The following CDK17 variants were observed in gnomAD, a reference collection of about 807,000 sequenced individuals.
CDK17 encodes the protein cyclin dependent kinase 17.
Under a neutral mutation model 77.6 loss-of-function variants are expected in CDK17, and 24 were observed. The observed-to-expected ratio is 0.31, with a 90% CI of 0.22 to 0.44. The LOEUF (loss-of-function observed/expected upper bound fraction) is 0.44, where lower values mean the gene tolerates loss of function less well. Ranked by LOEUF, CDK17 falls within the 20% of genes least tolerant of loss-of-function variation. The probability of loss-of-function intolerance (pLI) is 1.00; values close to 1 mark genes in which losing one functional copy is unlikely to be tolerated. For synonymous variants in CDK17, 203 were observed against 210.4 expected, an observed-to-expected ratio of 0.96 and a Z score of 0.30; for missense variants, 429 against 622.5, an observed-to-expected ratio of 0.69 and a Z score of 3.31.
At chr12:96,344,319 A>G (rs1953166854) in intron 1 of CDK17, among the ~76,000 whole-genome samples, 1 of 152,244 alleles carries the variant, frequency 6.6e-6, no homozygotes, top group African/African-American at 2.4e-5. Context: ...AGCTGATGAA[A>G]GACATGAATA....
intron 9 of CDK17, among the ~76,000 whole-genome samples, chr12:96,296,102 C>T (rs932728776): frequency 1.2e-4 from 19 of 152,168 alleles, no homozygotes; most frequent in Non-Finnish European, 2.5e-4. Flanking sequence ...TCTTGTTACA[C>T]TTTGTATTTT....
chr12:96,371,233 T>G (rs1168952315), intron 1 of CDK17, among the ~76,000 whole-genome samples: 1 of 151,976 alleles, frequency 6.6e-6, no homozygotes, highest in Admixed American at 6.6e-5. Flanking sequence ...GCATAAGAGA[T>G]TCTACAATAC....
intron 1 of CDK17, among the ~76,000 whole-genome samples, chr12:96,365,803 G>A (rs564097487): frequency 1.7e-4 from 26 of 152,310 alleles, no homozygotes; most frequent in Non-Finnish European, 3.8e-4. Flanking sequence ...GCTACTTGGG[G>A]GGCTGAGGTG....
chr12:96,290,038 C>T (rs928712239), intron 10 of CDK17, among the ~76,000 whole-genome samples: 1 of 151,872 alleles, frequency 6.6e-6, no homozygotes. Flanking sequence ...AAAAAAAAAT[C>T]GCAAAAAAAT....
intron 1 of CDK17, among the ~76,000 whole-genome samples, chr12:96,366,689 G>T (rs948391526): frequency 6.6e-6 from 1 of 152,026 alleles, no homozygotes; most frequent in African/African-American, 2.4e-5. Flanking sequence ...CCATAACTCT[G>T]GACAATCAGA....
intron 1 of CDK17, chr12:96,386,998 T>C (rs1197559179): frequency 3.2e-6 from 1 of 308,124 alleles, no homozygotes; most frequent in East Asian, 1.0e-4. Context: ...TCTGGTAGAG[T>C]AAAATATCTA....
intron 1 of CDK17, among the ~76,000 whole-genome samples, chr12:96,389,392 C>T (rs1357409691): frequency 6.6e-6 from 1 of 152,046 alleles, no homozygotes; most frequent in Non-Finnish European, 1.5e-5. Context: ...CAATAGAAAC[C>T]TAAGTTGCAG....
chr12:96,328,308 T>A (rs1026061472), intron 2 of CDK17, among the ~76,000 whole-genome samples: 2 of 152,072 alleles, frequency 1.3e-5, no homozygotes, highest in African/African-American at 4.8e-5. Context: ...GTTATGTAAT[T>A]ATTTCATTAT....
At chr12:96,315,963 C>T (rs563477494) in intron 3 of CDK17, among the ~76,000 whole-genome samples, 98 of 152,176 alleles carry the variant, frequency 6.4e-4, no homozygotes, top group Admixed American at 9.8e-4. Flanking sequence ...CCAAGATGGC[C>T]GAATAGGAAC....
chr12:96,338,402 G>A (rs769376352), intron 1 of CDK17, among the ~76,000 whole-genome samples: 11 of 152,088 alleles, frequency 7.2e-5, no homozygotes, highest in African/African-American at 2.4e-4. Flanking sequence ...TGAGTCCTTC[G>A]AGCAAATCAT....
rs1283222887 is a variant in CDK17, at chr12:96,279,751, A to T, written c.*491T>A. 2 of 152,872 alleles carry T rather than the reference A, an allele frequency of 1.3e-5. No homozygotes were observed. The highest frequency in any genetic ancestry group is 4.8e-5 in the African/African-American group (2 of 41,472). 9.5% of individuals were successfully genotyped at this position (152,872 alleles called of 1,614,324 possible). A position where few individuals can be genotyped will look rare whatever the true frequency, so the allele number is the denominator to read the frequency against. ...AGATGGCTCACTTATTTTACTATTA[A>T]GCAAAGCTAAATTTACATTCCAGGA... is the stretch of plus-strand genomic sequence containing the variant. On this transcript the variant is annotated 3_prime_UTR_variant, in exon 17 of 17. Coordinates refer to ENST00000261211, the MANE Select transcript of CDK17 (RefSeq NM_002595.5).
At chr12:96,314,404 C>A (rs577345003) in intron 3 of CDK17, among the ~76,000 whole-genome samples, 1 of 152,122 alleles carries the variant, frequency 6.6e-6, no homozygotes, top group Non-Finnish European at 1.5e-5. Context: ...CAAGGTTTTG[C>A]CTTGTTGTTC....
intron 1 of CDK17, among the ~76,000 whole-genome samples, chr12:96,382,434 A>G (rs1012937896): frequency 6.6e-6 from 1 of 152,066 alleles, no homozygotes; most frequent in African/African-American, 2.4e-5. Flanking sequence ...TACCAAACGT[A>G]TAAAGAAAAA....
intron 1 of CDK17, among the ~76,000 whole-genome samples, chr12:96,376,673 C>T (rs1953786624): frequency 6.6e-6 from 1 of 152,200 alleles, no homozygotes; most frequent in Non-Finnish European, 1.5e-5. Context: ...TATCCACTGA[C>T]ACTACTGGCC....
In CDK17 at chr12:96,394,612, C is replaced by T. The variant is rs1289876756; in HGVS notation, c.-30+5374G>A. On this transcript the variant is annotated intron_variant, in intron 1 of 16. Coordinates refer to ENST00000261211, the MANE Select transcript of CDK17 (RefSeq NM_002595.5). ...CACAGATCACCTGAGGTCAGGAGTTCGAGACCAGCCTGGCCAACATGGTGA... is the reference window on the plus strand; with the variant it reads ...CACAGATCACCTGAGGTCAGGAGTTTGAGACCAGCCTGGCCAACATGGTGA... Among the ~76,000 whole-genome samples the T allele has an allele frequency of 8.6e-5, 13 of 151,908 alleles. No homozygotes were observed. The East Asian group carries it at 2.5e-3, about 30-fold the overall frequency.
chr12:96,314,148 G>A (rs1444061520), intron 3 of CDK17, among the ~76,000 whole-genome samples: 67 of 152,142 alleles, frequency 4.4e-4, no homozygotes, highest in Admixed American at 4.4e-3. Flanking sequence ...AAAGTTAAAT[G>A]GAAGTAGGGG....
At chr12:96,345,644 T>C (rs1321772755) in intron 1 of CDK17, among the ~76,000 whole-genome samples, 1 of 152,108 alleles carries the variant, frequency 6.6e-6, no homozygotes, top group Non-Finnish European at 1.5e-5. Context: ...AATAACAATA[T>C]AAAAGGGAAG....
chr12:96,375,988 C>G (rs1953775968), intron 1 of CDK17, among the ~76,000 whole-genome samples: 1 of 152,172 alleles, frequency 6.6e-6, no homozygotes, highest in Non-Finnish European at 1.5e-5. Flanking sequence ...GCCTAAGAAT[C>G]AGACTTTTTA....
chr12:96,385,415 AC>A (rs765332110), intron 1 of CDK17, among the ~76,000 whole-genome samples: 1 of 152,236 alleles, frequency 6.6e-6, no homozygotes. Flanking sequence ...TACTATGCTC[AC>A]TACCAGAGTG....
Sources: allele counts gnomAD v4.1 joint callset (sites outside exome capture counted in the v4.1 genomes callset), GRCh38; gene constraint gnomAD v4.1.1; transcripts MANE v1.5; gene names NCBI Gene and HGNC (gene_info 2026-07-23, HGNC 2026-07-21).